DNTTIP1: variants seen among roughly 807,000 people sequenced by gnomAD.
DNTTIP1 encodes the protein deoxynucleotidyltransferase terminal interacting protein 1, also known as deoxynucleotidyltransferase terminal-interacting protein 1.
In DNTTIP1, 22 loss-of-function variants were observed where a neutral mutation model predicts 52.9. That is an observed-to-expected ratio of 0.42 (90% CI 0.30 to 0.59). The LOEUF is 0.59. Ranked by LOEUF, DNTTIP1 falls within the 20% of genes least tolerant of loss-of-function variation. The pLI is 0.22. For synonymous variants in DNTTIP1, 136 were observed against 155.1 expected, an observed-to-expected ratio of 0.88 and a Z score of 0.92; for missense variants, 286 against 435.5, an observed-to-expected ratio of 0.66 and a Z score of 3.06.
intron 4 of DNTTIP1, among the ~76,000 whole-genome samples, chr20:45,798,323 G>A (rs1159122974): frequency 1.3e-5 from 2 of 149,332 alleles, no homozygotes; most frequent in Admixed American, 1.3e-4. Context: ...CAGACACCGG[G>A]GCCTGTCGTG....
chr20:45,793,916 T>C lies in DNTTIP1; in HGVS notation c.177-5T>C. 1 of 1,577,920 alleles carries C rather than the reference T, an allele frequency of 6.3e-7. No individual in the cohort carries two copies. Among genetic ancestry groups the C allele is most frequent in the Non-Finnish European group, 8.6e-7 (1 of 1,159,832 alleles). ...CCCCTCACCCTGTCTCCCTCCTGAA[T>C]GCAGTTTCACAGATCCTGCCATCTC... On this transcript the variant is annotated splice_polypyrimidine_tract_variant and splice_region_variant and intron_variant, in intron 2 of 12. Coordinates refer to ENST00000372622, the MANE Select transcript of DNTTIP1 (RefSeq NM_052951.3).
Position 45,809,288 on chromosome 20 carries a change from C to G in DNTTIP1, c.795+103C>G, listed in dbSNP as rs978901333. 2.0e-6 allele frequency: 2 copies of G among 979,132 alleles called. No individual in the cohort carries two copies. The highest frequency in any genetic ancestry group is 1.9e-5 in the Admixed American group (1 of 53,070). The allele number at this position is 979,132 out of a possible 1,614,324, so 60.7% of individuals were successfully genotyped here. A position where few individuals can be genotyped will look rare whatever the true frequency, so the allele number is the denominator to read the frequency against. On this transcript the variant is annotated intron_variant, in intron 11 of 12. Coordinates refer to ENST00000372622, the MANE Select transcript of DNTTIP1 (RefSeq NM_052951.3). The surrounding 1 kb of genome is among the most constrained non-coding windows in gnomAD (Gnocchi z 4.2). ...TACCTCCAAATCTGACTTCCAAAGC[C>G]TCACCAATGTGTGAGAAGAGAGACT...
chr20:45,805,065 A>G, intron 8 of DNTTIP1, 81 bp from the exon 9 acceptor site: 2 of 1,235,534 alleles, frequency 1.6e-6, no homozygotes, highest in South Asian at 1.2e-5. Context: ...GAAGGGTTAG[A>G]AAAGGGTAGG....
intron 8 of DNTTIP1, 116 bp from the exon 9 acceptor site, chr20:45,805,030 C>A: frequency 1.1e-6 from 1 of 910,128 alleles, no homozygotes; most frequent in Non-Finnish European, 1.8e-6. Flanking sequence ...CTTGGGTCAA[C>A]TGTTGATTAA....
Position 45,801,457 on chromosome 20 carries a change from A to G in DNTTIP1, c.497A>G (p.Lys166Arg). ...CATCGAGGAAGCCCCCTTCCTAAAA[A>G]GGTAAACCATTTCCTTGTTTTGTTT... is the stretch of plus-strand genomic sequence containing the variant. The part of the protein sequence containing the change: ...CAHRGSPLPK[K>R]RKGRPPGHIL... The change falls in exon 6 of 13, where the codon AAG (lysine) becomes AGG (arginine). Residue 166 changes from lysine (K) to arginine (R), a missense_variant and splice_region_variant. Physicochemically the swap from Lys to Arg is conservative, Grantham distance 26. Coordinates refer to ENST00000372622, the MANE Select transcript of DNTTIP1 (RefSeq NM_052951.3). 6.2e-7 allele frequency: 1 copy of G among 1,614,166 alleles called. No individual in the cohort carries two copies. The highest frequency in any genetic ancestry group is 8.5e-7 in the Non-Finnish European group (1 of 1,180,022).
chr20:45,800,718 T>A (rs867483418), intron 4 of DNTTIP1, among the ~76,000 whole-genome samples: 7 of 5,382 alleles, frequency 1.3e-3, no homozygotes, highest in Admixed American at 3.2e-3. Context: ...TATATATATA[T>A]ATATATATAT....
chr20:45,801,523 C>T, intron 6 of DNTTIP1, 65 bp downstream of exon 6: 4 of 1,563,572 alleles, frequency 2.6e-6, no homozygotes, highest in Non-Finnish European at 3.5e-6. Context: ...TGTGGTGGCT[C>T]ACACCTGTAA....
Position 45,805,372 on chromosome 20 carries a change from T to C in DNTTIP1, c.723+6T>C. The C allele has an allele frequency of 2.5e-6, 4 of 1,613,912 alleles. No individual in the cohort carries two copies. The highest frequency in any genetic ancestry group is 3.4e-6 in the Non-Finnish European group (4 of 1,179,958). On this transcript the variant is annotated splice_donor_region_variant and intron_variant, in intron 10 of 12. Coordinates refer to ENST00000372622, the MANE Select transcript of DNTTIP1 (RefSeq NM_052951.3). ...AGCACCCACACCTCTTTAAGGTAGGTGACTGCTGGGAGGAAAGCAGGCCAT... is the reference window on the plus strand; with the variant it reads ...AGCACCCACACCTCTTTAAGGTAGGCGACTGCTGGGAGGAAAGCAGGCCAT...
At chr20:45,797,269 G>C in intron 4 of DNTTIP1, among the ~76,000 whole-genome samples, 1 of 152,156 alleles carries the variant, frequency 6.6e-6, no homozygotes, top group Non-Finnish European at 1.5e-5. Context: ...GGGAAAACTG[G>C]CTAGCCATAT....
chr20:45,792,663 G>C lies in DNTTIP1; in HGVS notation c.106-14G>C. 1 of 1,588,870 alleles carries C rather than the reference G, an allele frequency of 6.3e-7. No homozygotes were observed. The highest frequency in any genetic ancestry group is 8.5e-7 in the Non-Finnish European group (1 of 1,170,042). On this transcript the variant is annotated splice_polypyrimidine_tract_variant and intron_variant, in intron 1 of 12. Transcript: ENST00000372622. ...CACAGGCCGCAGTGACATTTGTTCC[G>C]TTGGTCCCCACAGAACCCTTGGAAC...
chr20:45,801,981 A>G lies in DNTTIP1; in HGVS notation c.499-18A>G, dbSNP rs1282614125. 60 of 1,613,986 alleles carry G rather than the reference A, an allele frequency of 3.7e-5. No individual in the cohort carries two copies. The Admixed American group carries it at 7.5e-4, about 20-fold the overall frequency. On this transcript the variant is annotated intron_variant, in intron 6 of 12. Coordinates refer to ENST00000372622, the MANE Select transcript of DNTTIP1 (RefSeq NM_052951.3). ...GTAACCACAGGGTCAGACCTCTGAC[A>G]GCTGTTTTTTGTGGCAGAGGAAAGG...
chr20:45,797,971 C>T (rs1271257132), intron 4 of DNTTIP1, among the ~76,000 whole-genome samples: 1 of 152,176 alleles, frequency 6.6e-6, no homozygotes, highest in East Asian at 1.9e-4. Context: ...ACCCAGCCAT[C>T]CCATTACTGG....
At chr20:45,803,930 C>T (rs1981555738) in intron 8 of DNTTIP1, among the ~76,000 whole-genome samples, 1 of 152,188 alleles carries the variant, frequency 6.6e-6, no homozygotes, top group African/African-American at 2.4e-5. Context: ...TCTGTTGCCT[C>T]CCTCTCTCTC....
chr20:45,794,243 G>T (rs1344224079), intron 3 of DNTTIP1, among the ~76,000 whole-genome samples: 1 of 152,176 alleles, frequency 6.6e-6, no homozygotes, highest in African/African-American at 2.4e-5. Context: ...CCACTTCCCA[G>T]GTTCCAGCGA....
At chr20:45,804,713 C>G (rs2145704059) in intron 8 of DNTTIP1, among the ~76,000 whole-genome samples, 1 of 152,310 alleles carries the variant, frequency 6.6e-6, no homozygotes, top group South Asian at 2.1e-4. Context: ...CTGCCTCTCA[C>G]CTGTCTTTGC....
Position 45,808,216 on chromosome 20 carries a change from C to T in DNTTIP1, c.724-898C>T, listed in dbSNP as rs886895523. Among the ~76,000 whole-genome samples, 37 of 152,006 alleles carry T rather than the reference C, an allele frequency of 2.4e-4. 1 individual carries two copies. Among genetic ancestry groups the T allele is most frequent in the Admixed American group, 1.3e-4 (2 of 15,278 alleles). On this transcript the variant is annotated intron_variant, in intron 10 of 12. Coordinates refer to ENST00000372622, the MANE Select transcript of DNTTIP1 (RefSeq NM_052951.3). ...CAAAAATCAGCTGGGTGTGTTGGCACGTGCCTGTAATCCCAGCTATTCAAG... is the reference window on the plus strand; with the variant it reads ...CAAAAATCAGCTGGGTGTGTTGGCATGTGCCTGTAATCCCAGCTATTCAAG...
intron 11 of DNTTIP1, among the ~76,000 whole-genome samples, 161 bp from the exon 12 acceptor site, chr20:45,810,724 T>C (rs1466463326): frequency 6.6e-6 from 1 of 152,090 alleles, no homozygotes; most frequent in Non-Finnish European, 1.5e-5. Flanking sequence ...CAAGGAACCA[T>C]TCCCATCCCT....
chr20:45,811,350 C>G lies in DNTTIP1; in HGVS notation c.*155C>G, dbSNP rs1488919021. 1 of 728,810 alleles carries G rather than the reference C, an allele frequency of 1.4e-6. No individual in the cohort carries two copies. The highest frequency in any genetic ancestry group is 2.2e-6 in the Non-Finnish European group (1 of 464,560). 45.1% of individuals were successfully genotyped at this position (728,810 alleles called of 1,614,324 possible). Reference sequence around the variant, plus strand: ...TGACTCACTGCACAGCACCCCCAGACTAGCATGTGGTTCTATATTTGTAAA... The same window carrying G: ...TGACTCACTGCACAGCACCCCCAGAGTAGCATGTGGTTCTATATTTGTAAA... On this transcript the variant is annotated 3_prime_UTR_variant, in exon 13 of 13. Transcript: ENST00000372622.
At chr20:45,810,751 G>A (rs1485905885) in intron 11 of DNTTIP1, 134 bp from the exon 12 acceptor site, 26 of 738,676 alleles carry the variant, frequency 3.5e-5, no homozygotes, top group South Asian at 1.7e-4. Flanking sequence ...TTACTCTTCC[G>A]TACTAAATTG....
Sources: allele counts gnomAD v4.1 joint callset (sites outside exome capture counted in the v4.1 genomes callset), GRCh38; gene constraint gnomAD v4.1.1; non-coding constraint Gnocchi (gnomAD v3.1); transcripts MANE v1.5; gene names NCBI Gene and HGNC (gene_info 2026-07-23, HGNC 2026-07-21).